The following CCDC69 variants were observed in gnomAD, a reference collection of about 807,000 sequenced individuals.
CCDC69 encodes the protein coiled-coil domain containing 69, also known as coiled-coil domain-containing protein 69.
A neutral mutation model predicts 40.3 loss-of-function variants in CCDC69; 38 were observed. That is an observed-to-expected ratio of 0.94 (90% CI 0.73 to 1.24). The LOEUF (loss-of-function observed/expected upper bound fraction) is 1.24, where lower values mean the gene tolerates loss of function less well. CCDC69 is among the 50% of genes most tolerant of loss of function. The probability of loss-of-function intolerance (pLI) is 0.00; values close to 1 mark genes in which losing one functional copy is unlikely to be tolerated. For missense variants in CCDC69, 389 were observed against 357.9 expected (o/e 1.09, Z -0.70); for synonymous variants, 141 against 138.9 (o/e 1.02, Z -0.11).
chr5:151,187,828 G>A (rs423930), intron 4 of CCDC69, among the ~76,000 whole-genome samples: 17 of 152,014 alleles, frequency 1.1e-4, no homozygotes, highest in Admixed American at 2.0e-4. Context: ...CTGGATTAGC[G>A]AAATCACAAA....
At chr5:151,194,738 C>G (rs538315586) in intron 4 of CCDC69, among the ~76,000 whole-genome samples, 1 of 151,932 alleles carries the variant, frequency 6.6e-6, no homozygotes, top group East Asian at 1.9e-4. Flanking sequence ...ACTAAAAATA[C>G]AAAAATTAGC....
intron 4 of CCDC69, among the ~76,000 whole-genome samples, chr5:151,190,757 TAAGA>T (rs1752598557): frequency 8.0e-6 from 1 of 125,442 alleles, no homozygotes; most frequent in Non-Finnish European, 1.7e-5. Flanking sequence ...AGAGATACAG[TAAGA>T]AAGACAATAA....
chr5:151,223,726 C>A (rs1753171054), intron 1 of CCDC69, among the ~76,000 whole-genome samples, 197 bp downstream of exon 1: 1 of 152,310 alleles, frequency 6.6e-6, no homozygotes, highest in South Asian at 2.1e-4. Context: ...GTAAACTCGG[C>A]TGCTTGGTGC....
chr5:151,214,124 GT>G (rs1554090180), intron 1 of CCDC69, among the ~76,000 whole-genome samples: 1 of 152,218 alleles, frequency 6.6e-6, no homozygotes, highest in Non-Finnish European at 1.5e-5. Context: ...AGTCCTTTCC[GT>G]CCCCCTGATG....
At chr5:151,215,860 T>A (rs1196311433) in intron 1 of CCDC69, among the ~76,000 whole-genome samples, 1 of 152,264 alleles carries the variant, frequency 6.6e-6, no homozygotes, top group Non-Finnish European at 1.5e-5. Flanking sequence ...AACTGAGGAC[T>A]GGCTGGATAT....
rs947754159 is a variant in CCDC69, at chr5:151,183,407, A to G, written c.*30T>C. On this transcript the variant is annotated 3_prime_UTR_variant, in exon 9 of 9. Coordinates refer to ENST00000355417, the MANE Select transcript of CCDC69 (RefSeq NM_015621.3). Reference sequence around the variant, plus strand: ...AAACCTTGGAAGGAGCTGTGACTTCAGGCGTCGTGGTGGGCCCAGGCCCTG... The same window carrying G: ...AAACCTTGGAAGGAGCTGTGACTTCGGGCGTCGTGGTGGGCCCAGGCCCTG... 1.3e-6 allele frequency: 2 copies of G among 1,585,700 alleles called. No homozygotes were observed. Among genetic ancestry groups the G allele is most frequent in the South Asian group, 1.2e-5 (1 of 86,394 alleles).
At chr5:151,211,240 C>T (rs944302486) in intron 1 of CCDC69, 9 of 152,286 alleles carry the variant, frequency 5.9e-5, no homozygotes, top group Admixed American at 1.3e-4. Context: ...TGCCCTGGGG[C>T]GGAGTTAGTT....
chr5:151,206,841 A>G (rs186327940), intron 1 of CCDC69, among the ~76,000 whole-genome samples: 58 of 152,160 alleles, frequency 3.8e-4, no homozygotes, highest in Middle Eastern at 3.4e-3. Flanking sequence ...TGTGTTAGCC[A>G]GGATGGTCTC....
Position 151,183,413 on chromosome 5 carries a change from C to A in CCDC69, c.*24G>T, listed in dbSNP as rs377468928. ...TGGAAGGAGCTGTGACTTCAGGCGT[C>A]GTGGTGGGCCCAGGCCCTGCACCCT... On this transcript the variant is annotated 3_prime_UTR_variant, in exon 9 of 9. Transcript: ENST00000355417. The A allele has an allele frequency of 1.0e-5, 16 of 1,589,384 alleles. 1 individual carries two copies. The Middle Eastern group carries it at 1.7e-3, about 165-fold the overall frequency.
intron 3 of CCDC69, 51 bp downstream of exon 3, chr5:151,201,531 C>G (rs1752776225): frequency 7.7e-7 from 1 of 1,303,578 alleles, no homozygotes; most frequent in Non-Finnish European, 1.1e-6. Context: ...TGGGATTCAC[C>G]AAAGTTAGCT....
intron 6 of CCDC69, among the ~76,000 whole-genome samples, chr5:151,185,796 G>T (rs550865151): frequency 2.6e-5 from 4 of 152,334 alleles, no homozygotes; most frequent in Admixed American, 2.6e-4. Context: ...TGTGCACCTA[G>T]TTCTCTCTGA....
At chr5:151,212,972 G>A (rs571713315) in intron 1 of CCDC69, 178 of 441,098 alleles carry the variant, frequency 4.0e-4, no homozygotes, top group Admixed American at 1.6e-3. Context: ...AGGTTGGAGA[G>A]TCAAACTTCA....
At chr5:151,205,598 C>G (rs1057287895) in intron 1 of CCDC69, 123 bp from the exon 2 acceptor site, 3 of 787,660 alleles carry the variant, frequency 3.8e-6, no homozygotes, top group Non-Finnish European at 4.2e-6. Context: ...AGACCCTGCC[C>G]CACGCCTGCG....
intron 7 of CCDC69, 61 bp downstream of exon 7, chr5:151,185,361 A>G (rs1035486976): frequency 6.3e-7 from 1 of 1,594,844 alleles, no homozygotes; most frequent in African/African-American, 1.3e-5. Flanking sequence ...TGCTTTACAA[A>G]GGAAACACCC....
chr5:151,204,227 G>T (rs1460658721), intron 2 of CCDC69, among the ~76,000 whole-genome samples: 1 of 152,018 alleles, frequency 6.6e-6, no homozygotes, highest in Non-Finnish European at 1.5e-5. Flanking sequence ...TAGAGACGGG[G>T]TTTCACCATA....
chr5:151,194,953 C>T (rs1174752070), intron 4 of CCDC69, among the ~76,000 whole-genome samples: 2 of 151,294 alleles, frequency 1.3e-5, no homozygotes, highest in East Asian at 3.9e-4. Flanking sequence ...TGCACATCCC[C>T]TCAAAAAGAG....
At chr5:151,193,543 G>T (rs1297496815) in intron 4 of CCDC69, among the ~76,000 whole-genome samples, 3 of 151,178 alleles carry the variant, frequency 2.0e-5, no homozygotes, top group Non-Finnish European at 2.9e-5. Flanking sequence ...AAAGAAGACA[G>T]GAGAGGAGAG....
intron 1 of CCDC69, among the ~76,000 whole-genome samples, chr5:151,211,784 A>G (rs1752954438): frequency 6.6e-6 from 1 of 152,070 alleles, no homozygotes; most frequent in Non-Finnish European, 1.5e-5. Flanking sequence ...TCAGCCTCCC[A>G]AAGTGCTGAG....
chr5:151,217,446 C>T (rs57978529), intron 1 of CCDC69, among the ~76,000 whole-genome samples: 22,991 of 152,118 alleles, frequency 0.15, 1,923 homozygotes, highest in East Asian at 0.34. Flanking sequence ...ATTAACCTTG[C>T]GATATGAAAG....
Sources: allele counts gnomAD v4.1 joint callset (sites outside exome capture counted in the v4.1 genomes callset), GRCh38; gene constraint gnomAD v4.1.1; transcripts MANE v1.5; gene names NCBI Gene and HGNC (gene_info 2026-07-23, HGNC 2026-07-21).